Variants in SLC27A1 observed in about 807,000 individuals in gnomAD.
SLC27A1 encodes long-chain fatty acid transport protein 1.
A neutral mutation model predicts 62.2 loss-of-function variants in SLC27A1; 61 were observed. The observed-to-expected ratio is 0.98, with a 90% confidence interval of 0.80 to 1.21. The LOEUF (loss-of-function observed/expected upper bound fraction) is 1.21, where lower values mean the gene tolerates loss of function less well. SLC27A1 is among the 50% of genes most tolerant of loss of function. The pLI, the probability that SLC27A1 is intolerant of heterozygous loss-of-function variation, is 0.00. For missense variants in SLC27A1, 903 were observed against 932.1 expected, an observed-to-expected ratio of 0.97 and a Z score of 0.41; for synonymous variants, 435 against 408.6, an observed-to-expected ratio of 1.06 and a Z score of -0.78.
chr19:17,491,597 C>T (rs889757176), intron 6 of SLC27A1, among the ~76,000 whole-genome samples: 4 of 152,274 alleles, frequency 2.6e-5, no homozygotes, highest in South Asian at 2.1e-4. Context: ...CTTGGCTGAG[C>T]GCAATGGCTC....
Position 17,497,416 on chromosome 19 carries a change from C to A in SLC27A1, c.1158C>A (p.Phe386Leu). The A allele has an allele frequency of 6.2e-7, 1 of 1,605,362 alleles. No homozygotes were observed. Among genetic ancestry groups the A allele is most frequent in the Non-Finnish European group, 8.5e-7 (1 of 1,177,282 alleles). ...ERFGVRQIGEFYGATECNCSI... is the reference protein window; with the variant it reads ...ERFGVRQIGELYGATECNCSI... ...TCGGCGTACGCCAAATCGGGGAGTT[C>A]TACGGCGCCACCGAGTGCAACTGCA... is the stretch of plus-strand genomic sequence containing the variant. The change falls in exon 7 of 12, where the codon TTC becomes TTA. Residue 386 changes from phenylalanine (F) to leucine (L), a missense_variant. Physicochemically the swap from Phe to Leu is conservative, Grantham distance 22 (BLOSUM62 0). Coordinates refer to ENST00000252595, the MANE Select transcript of SLC27A1 (RefSeq NM_198580.3).
intron 11 of SLC27A1, 59 bp from the exon 12 acceptor site, chr19:17,504,396 G>C (rs1445894882): frequency 4.4e-6 from 7 of 1,601,944 alleles, no homozygotes; most frequent in Non-Finnish European, 6.0e-6. Context: ...AGGATATTGA[G>C]TTGAGGCCTC....
rs751148243 is a variant in SLC27A1 at position 17,489,062 on chromosome 19, G to C, written c.941G>C (p.Arg314Pro). Reference protein sequence around the residue: ...CLIYGLTVVLRKKFSASRFWD... With the variant: ...CLIYGLTVVLPKKFSASRFWD... ...ATCTATGGGCTGACAGTCGTCCTCC[G>C]CAAGAAATTCTCGGCCAGCCGCTTC... The change falls in exon 6 of 12, where the codon CGC (arginine) becomes CCC (proline). Residue 314 changes from arginine to proline, a missense_variant. Coordinates refer to ENST00000252595, the MANE Select transcript of SLC27A1 (RefSeq NM_198580.3). The C allele has an allele frequency of 1.2e-6, 2 of 1,614,120 alleles. No homozygotes were observed. The highest frequency in any genetic ancestry group is 1.7e-6 in the Non-Finnish European group (2 of 1,180,024).
rs553500819 is a variant in SLC27A1 at position 17,474,448 on chromosome 19, C to T, written c.167+3741C>T. On this transcript the variant is annotated intron_variant, in intron 1 of 11. Coordinates refer to ENST00000252595, the MANE Select transcript of SLC27A1 (RefSeq NM_198580.3). ...CCCAGGCCCATCTCTCCCTCCTCTC[C>T]AGCTCTGCTCCCATGGGCCCTGTGG... Among the ~76,000 whole-genome samples the T allele has an allele frequency of 3.9e-5, 6 of 152,240 alleles. No homozygotes were observed. In the South Asian group the frequency reaches 6.2e-4, roughly 16 times the overall value.
At chr19:17,483,621 C>G (rs1041728736) in intron 1 of SLC27A1, among the ~76,000 whole-genome samples, 1 of 152,052 alleles carries the variant, frequency 6.6e-6, no homozygotes, top group Non-Finnish European at 1.5e-5. Context: ...TGCGGATGCT[C>G]TCCCCCAACA....
In SLC27A1 at chr19:17,501,649, A is replaced by G. The variant is rs538611161; in HGVS notation, c.1783+230A>G. 7.9e-5 allele frequency among the ~76,000 whole-genome samples: 12 copies of G among 151,970 alleles called. No homozygotes were observed. The East Asian group carries it at 2.3e-3, about 29-fold the overall frequency. ...AAACCCTGTCTCTACTAAAAATACAAAAAATTAGCCGGGCACGGTTGCGGG... is the reference window on the plus strand; with the variant it reads ...AAACCCTGTCTCTACTAAAAATACAGAAAATTAGCCGGGCACGGTTGCGGG... On this transcript the variant is annotated intron_variant, in intron 11 of 11. Transcript: ENST00000252595.
chr19:17,492,646 T>C (rs993787726), intron 6 of SLC27A1, among the ~76,000 whole-genome samples: 3 of 128,162 alleles, frequency 2.3e-5, no homozygotes, highest in Non-Finnish European at 4.9e-5. Flanking sequence ...GAAAAAGAAA[T>C]AGAGGACGGG....
At chr19:17,493,165 G>A (rs578240836) in intron 6 of SLC27A1, among the ~76,000 whole-genome samples, 2 of 150,948 alleles carry the variant, frequency 1.3e-5, no homozygotes, top group East Asian at 2.0e-4. Context: ...CGGGCGCGGC[G>A]GCTCACGCCT....
upstream of SLC27A1, chr19:17,470,490 T>TGGGGCGGGGCTGGAGC: frequency 7.0e-7 from 1 of 1,418,786 alleles, no homozygotes; most frequent in East Asian, 2.9e-5. Flanking sequence ...GAGCGGGTCG[T>TGGGGCGGGGCTGGAGC]GGGGCGGGGC....
intron 11 of SLC27A1, among the ~76,000 whole-genome samples, chr19:17,503,931 CAAAAAAAAAAA>C (rs749427478): frequency 5.6e-5 from 3 of 53,316 alleles, no homozygotes; most frequent in African/African-American, 1.4e-4. Flanking sequence ...GACTATGTCT[CAAAAAAAAAAA>C]AAAAAAAAAA....
intron 11 of SLC27A1, among the ~76,000 whole-genome samples, chr19:17,502,657 G>T (rs2144624306): frequency 6.6e-6 from 1 of 151,742 alleles, no homozygotes; most frequent in East Asian, 1.9e-4. Context: ...CCCGGCCTCG[G>T]TGTATCTTTT....
intron 5 of SLC27A1, 22 bp downstream of exon 5, chr19:17,488,961 ATGG>A: frequency 6.2e-7 from 1 of 1,612,460 alleles, no homozygotes; most frequent in South Asian, 1.1e-5. Context: ...TGGGTAGGGA[ATGG>A]TGGGTGGGGG....
intron 6 of SLC27A1, chr19:17,497,039 A>G: frequency 4.1e-6 from 2 of 490,016 alleles, no homozygotes; most frequent in Non-Finnish European, 7.1e-6. Context: ...CAACAAAAAA[A>G]GCTGCATCCT....
At position 17,504,711 on chromosome 19, in the gene SLC27A1, C is replaced by T. The variant is rs1328002310; in HGVS notation, c.*99C>T. 6.7e-7 allele frequency: 1 copy of T among 1,481,536 alleles called. No homozygotes were observed. Among genetic ancestry groups the T allele is most frequent in the Non-Finnish European group, 9.2e-7 (1 of 1,082,484 alleles). The allele number at this position is 1,481,536 out of a possible 1,614,324, so 91.8% of individuals were successfully genotyped here. On this transcript the variant is annotated 3_prime_UTR_variant, in exon 12 of 12. Transcript: ENST00000252595. ...GGGTGGCCGCCTAGTACACACCCAC[C>T]TGGCCGAGCTGTACCTGGCACGGCC... is the stretch of plus-strand genomic sequence containing the variant.
chr19:17,495,082 C>T (rs2075335112), intron 6 of SLC27A1, among the ~76,000 whole-genome samples: 2 of 151,724 alleles, frequency 1.3e-5, no homozygotes, highest in African/African-American at 2.4e-5. Flanking sequence ...AAGAGATTCT[C>T]CTGCCTCAGC....
intron 6 of SLC27A1, among the ~76,000 whole-genome samples, chr19:17,493,427 C>CAAAAAAAAAAAAAAA (rs769247313): frequency 1.4e-5 from 1 of 72,012 alleles, no homozygotes; most frequent in Non-Finnish European, 2.3e-5. Flanking sequence ...AACTCCATCT[C>CAAAAAAAAAAAAAAA]AAAAAAAAAA....
At chr19:17,470,243 T>C (rs1307498281), upstream of SLC27A1, among the ~76,000 whole-genome samples, 1 of 151,194 alleles carries the variant, frequency 6.6e-6, no homozygotes, top group East Asian at 2.0e-4. Flanking sequence ...GGACCCAGGG[T>C]CCGGGGGCGG....
chr19:17,470,526 C>G lies in SLC27A1; in HGVS notation c.-15C>G. ...TGGAGCGGCCCGCGGCCTCAGCTCT[C>G]TCTGCTTCCCCAGGATGCGGGCTCC... On this transcript the variant is annotated 5_prime_UTR_variant, in exon 1 of 12. Transcript: ENST00000252595. 1 of 1,538,732 alleles carries G rather than the reference C, an allele frequency of 6.5e-7. No individual in the cohort carries two copies. Among genetic ancestry groups the G allele is most frequent in the African/African-American group, 1.4e-5 (1 of 70,956 alleles).
At chr19:17,478,517 A>G (rs2075146266) in intron 1 of SLC27A1, among the ~76,000 whole-genome samples, 1 of 151,452 alleles carries the variant, frequency 6.6e-6, no homozygotes, top group Admixed American at 6.6e-5. Context: ...ATGGCACTAA[A>G]TAGACTGTGA....
Sources: gnomAD v4.1 joint callset for allele counts (sites outside exome capture counted in the v4.1 genomes callset) on GRCh38, gnomAD v4.1.1 for gene constraint, MANE v1.5 for transcripts, NCBI Gene and HGNC (gene_info 2026-07-23, HGNC 2026-07-21) for gene names.